UNC5C: variants seen among roughly 807,000 people sequenced by gnomAD.
UNC5C encodes unc-5 netrin receptor C, also known as netrin receptor UNC5C.
A neutral mutation model predicts 99.8 loss-of-function variants in UNC5C; 47 were observed. The ratio of observed to expected loss-of-function variants is 0.47; its 90% CI spans 0.37 to 0.60. UNC5C has a LOEUF of 0.60. Among genes scored for constraint, UNC5C ranks in the 20% least tolerant of loss-of-function variants. The pLI, the probability that UNC5C is intolerant of heterozygous loss-of-function variation, is 0.00. For synonymous variants in UNC5C, 487 were observed against 452.2 expected (o/e 1.08, Z -0.98); for missense variants, 1,062 against 1,165.9 (o/e 0.91, Z 1.30).
chr4:95,172,282 G>A (rs1233051498), intron 14 of UNC5C, among the ~76,000 whole-genome samples: 2 of 151,794 alleles, frequency 1.3e-5, no homozygotes, highest in Non-Finnish European at 2.9e-5. Flanking sequence ...GGTTGCCATT[G>A]CTTTTGGTGT....
At chr4:95,509,919 C>T (rs1722024166) in intron 1 of UNC5C, among the ~76,000 whole-genome samples, 1 of 151,840 alleles carries the variant, frequency 6.6e-6, no homozygotes, top group African/African-American at 2.4e-5. Context: ...GTTTGCGTTT[C>T]ACGTCGATAA....
chr4:95,413,059 G>T (rs761555151), intron 1 of UNC5C, among the ~76,000 whole-genome samples: 3 of 152,132 alleles, frequency 2.0e-5, no homozygotes, highest in Non-Finnish European at 4.4e-5. Flanking sequence ...GGTAAGCAAA[G>T]AATGAATCCC....
intron 2 of UNC5C, among the ~76,000 whole-genome samples, chr4:95,316,244 T>C (rs115271408): frequency 0.038 from 5,805 of 152,196 alleles, 153 homozygotes; most frequent in Non-Finnish European, 0.056. Flanking sequence ...CTTAAATGGG[T>C]ACATGATAGA....
Position 95,185,202 on chromosome 4 carries a change from A to G in UNC5C, c.2137-6T>C, listed in dbSNP as rs1432609700. The G allele has an allele frequency of 6.2e-7, 1 of 1,604,904 alleles. No homozygotes were observed. The highest frequency in any genetic ancestry group is 8.5e-7 in the Non-Finnish European group (1 of 1,177,004). On this transcript the variant is annotated splice_polypyrimidine_tract_variant and splice_region_variant and intron_variant, in intron 12 of 15. Transcript: ENST00000453304. Reference sequence around the variant, plus strand: ...CTCTCAAGATGTAAAATTTCCTATAATGACATGCCCCAAACCCAAAGCACG... The same window carrying G: ...CTCTCAAGATGTAAAATTTCCTATAGTGACATGCCCCAAACCCAAAGCACG...
At chr4:95,374,828 T>C (rs751495558) in intron 1 of UNC5C, among the ~76,000 whole-genome samples, 3 of 152,074 alleles carry the variant, frequency 2.0e-5, no homozygotes, top group African/African-American at 4.8e-5. Context: ...GGAAATCAAG[T>C]ATAATATATA....
chr4:95,498,764 T>C (rs1721694210), intron 1 of UNC5C, among the ~76,000 whole-genome samples: 1 of 152,152 alleles, frequency 6.6e-6, no homozygotes, highest in African/African-American at 2.4e-5. Flanking sequence ...AAATTTTGCC[T>C]TTAAAATTTT....
At chr4:95,265,617 C>T (rs891814993) in intron 4 of UNC5C, among the ~76,000 whole-genome samples, 3 of 152,120 alleles carry the variant, frequency 2.0e-5, no homozygotes, top group African/African-American at 7.2e-5. Context: ...ACATATTTGC[C>T]TGGGGTTTAT....
chr4:95,521,695 T>C (rs1465988510), intron 1 of UNC5C, among the ~76,000 whole-genome samples: 11 of 152,090 alleles, frequency 7.2e-5, no homozygotes, highest in Non-Finnish European at 1.6e-4. Flanking sequence ...CAAACATCCA[T>C]TGGAAAAATG....
At chr4:95,451,018 T>C (rs926780146) in intron 1 of UNC5C, among the ~76,000 whole-genome samples, 20 of 152,252 alleles carry the variant, frequency 1.3e-4, no homozygotes, top group Admixed American at 2.0e-4. Context: ...AGTAAAGGTA[T>C]TCATACTGAT....
intron 1 of UNC5C, among the ~76,000 whole-genome samples, chr4:95,343,470 T>A (rs1174674537): frequency 1.3e-5 from 2 of 152,114 alleles, no homozygotes; most frequent in Non-Finnish European, 2.9e-5. Context: ...GGATGCCACC[T>A]AATGCACACA....
At position 95,276,072 on chromosome 4, in the gene UNC5C, G is replaced by A. The variant is rs531248052; in HGVS notation, c.594+2187C>T. Among the ~76,000 whole-genome samples the A allele has an allele frequency of 5.7e-3, 862 of 152,216 alleles. 1 individual carries two copies. Among genetic ancestry groups the A allele is most frequent in the Non-Finnish European group, 8.1e-3 (548 of 67,994 alleles). ...CATTTATATTAGAAGGAAAATGGTCGTATAATCCTTTAACTCACTAAGTTA... is the reference window on the plus strand; with the variant it reads ...CATTTATATTAGAAGGAAAATGGTCATATAATCCTTTAACTCACTAAGTTA... On this transcript the variant is annotated intron_variant, in intron 4 of 15. Transcript: ENST00000453304.
intron 4 of UNC5C, among the ~76,000 whole-genome samples, chr4:95,274,281 A>G (rs1740772396): frequency 6.6e-6 from 1 of 152,134 alleles, no homozygotes; most frequent in East Asian, 1.9e-4. Flanking sequence ...CCTCACCCGC[A>G]GGCCCTGGCT....
intron 4 of UNC5C, among the ~76,000 whole-genome samples, chr4:95,274,465 G>A (rs550879355): frequency 4.6e-5 from 7 of 152,274 alleles, no homozygotes; most frequent in Non-Finnish European, 7.4e-5. Flanking sequence ...AGACGAAGGA[G>A]CAGGCAAGTC....
In UNC5C at chr4:95,525,249, C is replaced by A. The variant is rs532553730; in HGVS notation, c.124+23485G>T. 5.9e-5 allele frequency among the ~76,000 whole-genome samples: 9 copies of A among 152,244 alleles called. No individual in the cohort carries two copies. The South Asian group carries it at 1.7e-3, about 28-fold the overall frequency. On this transcript the variant is annotated intron_variant, in intron 1 of 15. Transcript: ENST00000453304. ...ACTAATTGTTTCCCTCAAGTTTATTCTTCTGCCTAAAATACCTAGGAATGC... is the reference window on the plus strand; with the variant it reads ...ACTAATTGTTTCCCTCAAGTTTATTATTCTGCCTAAAATACCTAGGAATGC...
At chr4:95,186,683 T>A (rs1357121243) in intron 12 of UNC5C, among the ~76,000 whole-genome samples, 3 of 152,140 alleles carry the variant, frequency 2.0e-5, no homozygotes, top group Admixed American at 2.0e-4. Context: ...CTAGTTAGTA[T>A]CTAATGGAAG....
intron 1 of UNC5C, among the ~76,000 whole-genome samples, chr4:95,515,302 G>T (rs1722183262): frequency 6.6e-6 from 1 of 151,938 alleles, no homozygotes. Flanking sequence ...AGAGTCTTTG[G>T]GTAAGGTGTT....
At chr4:95,208,332 G>T (rs1013215946) in intron 10 of UNC5C, among the ~76,000 whole-genome samples, 2 of 152,188 alleles carry the variant, frequency 1.3e-5, no homozygotes, top group Admixed American at 6.5e-5. Flanking sequence ...CTCCAAGGAA[G>T]TTAAGAAATT....
chr4:95,226,869 T>TTGG, intron 7 of UNC5C, among the ~76,000 whole-genome samples: 1 of 152,114 alleles, frequency 6.6e-6, no homozygotes, highest in Non-Finnish European at 1.5e-5. Flanking sequence ...TTTTTGGCAT[T>TTGG]TGGTGAGTGG....
At chr4:95,354,479 A>ATATATTTTTT in intron 1 of UNC5C, among the ~76,000 whole-genome samples, 26 of 110,342 alleles carry the variant, frequency 2.4e-4, no homozygotes, top group African/African-American at 9.3e-4. Flanking sequence ...ATATATATAT[A>ATATATTTTTT]TTTTTTTTTT....
Sources: gnomAD v4.1 joint callset for allele counts (sites outside exome capture counted in the v4.1 genomes callset) on GRCh38, gnomAD v4.1.1 for gene constraint, MANE v1.5 for transcripts, NCBI Gene and HGNC (gene_info 2026-07-23, HGNC 2026-07-21) for gene names.